The following PTPRN variants were observed in gnomAD, a reference collection of about 807,000 sequenced individuals.
The protein encoded by PTPRN is receptor-type tyrosine-protein phosphatase-like N.
PTPRN carries 70 observed loss-of-function variants against 108.5 expected under a neutral mutation model. That is an observed-to-expected ratio of 0.65 (90% CI 0.53 to 0.79). The LOEUF is 0.79. PTPRN is among the 30% of genes least tolerant of loss of function. PTPRN has a pLI of 0.00. For missense variants in PTPRN, 1,136 were observed against 1,295.5 expected, an observed-to-expected ratio of 0.88 and a Z score of 1.89; for synonymous variants, 496 against 524.6, an observed-to-expected ratio of 0.95 and a Z score of 0.75.
Position 219,302,492 on chromosome 2 carries a change from C to G in PTPRN, c.640-1G>C. ...CCCTGGAGCCATCACGGGAGCCAAA[C>G]TGTGGAAAACCAGAGATCTGGGTAA... On this transcript the variant is annotated splice_acceptor_variant, in intron 5 of 22. Coordinates refer to ENST00000295718, the MANE Select transcript of PTPRN (RefSeq NM_002846.4). LOFTEE classifies it high-confidence loss of function. The G allele has an allele frequency of 6.2e-7, 1 of 1,613,840 alleles. No individual in the cohort carries two copies. The highest frequency in any genetic ancestry group is 1.3e-5 in the African/African-American group (1 of 75,042).
intron 20 of PTPRN, 49 bp downstream of exon 20, chr2:219,291,421 G>C (rs1952051377): frequency 6.4e-7 from 1 of 1,572,068 alleles, no homozygotes; most frequent in African/African-American, 1.3e-5. Flanking sequence ...GTGCACAGGA[G>C]ACGCACACAG....
At position 219,298,912 on chromosome 2, in the gene PTPRN, G is replaced by A. The variant is rs1337337586; in HGVS notation, c.1668+135C>T. On this transcript the variant is annotated intron_variant, in intron 12 of 22. Coordinates refer to ENST00000295718, the MANE Select transcript of PTPRN (RefSeq NM_002846.4). ...AGAGAACTGCGGGGAGGGGCTGCTT[G>A]GGCGAAGGCCGCCTCCAGCCAGCCG... 5 of 1,004,214 alleles carry A rather than the reference G, an allele frequency of 5.0e-6. No homozygotes were observed. The African/African-American group carries it at 7.9e-5, about 16-fold the overall frequency. The allele number at this position is 1,004,214 out of a possible 1,614,324, so 62.2% of individuals were successfully genotyped here. A position where few individuals can be genotyped will look rare whatever the true frequency, so the allele number is the denominator to read the frequency against.
Position 219,307,535 on chromosome 2 carries a change from C to T in PTPRN, c.189G>A (p.Gln63=). The T allele has an allele frequency of 6.2e-7, 1 of 1,614,136 alleles. No individual in the cohort carries two copies. Among genetic ancestry groups the T allele is most frequent in the Middle Eastern group, 1.7e-4 (1 of 6,060 alleles). ...CIQDGLFGQC[Q]VGVGQARPLL... is the part of the protein sequence containing the mutation. The stretch of plus-strand genomic sequence containing the variant: ...GGGGCCGGGCCTGCCCCACTCCCAC[C>T]TGGCACTGCCCAAACAAGCCATCTA... Residue 63 remains glutamine (Q), a synonymous_variant, in exon 3 of 23, where the codon CAG becomes CAA. Transcript: ENST00000295718.
intron 18 of PTPRN, chr2:219,295,992 A>G (rs1952183630): frequency 1.8e-6 from 1 of 567,186 alleles, no homozygotes; most frequent in East Asian, 3.2e-5. Context: ...ACACACACAC[A>G]CACACACACA....
rs1952186361 is a variant in PTPRN at position 219,296,046 on chromosome 2, A to C, written c.2508+180T>G. 2 of 805,162 alleles carry C rather than the reference A, an allele frequency of 2.5e-6. No homozygotes were observed. Among genetic ancestry groups the C allele is most frequent in the East Asian group, 2.6e-5 (1 of 38,100 alleles). 49.9% of individuals were successfully genotyped at this position (805,162 alleles called of 1,614,324 possible). On this transcript the variant is annotated intron_variant, in intron 18 of 22. Transcript: ENST00000295718. The surrounding 1 kb of genome is among the most constrained non-coding windows in gnomAD (Gnocchi z 6.0). ...AGGACACACACATGTATATATGTGA[A>C]TATATGGGTATGCATATATGTGTTT...
Position 219,302,626 on chromosome 2 carries a change from G to T in PTPRN, c.589C>A (p.Pro197Thr). The T allele has an allele frequency of 5.0e-6, 8 of 1,614,026 alleles. No individual in the cohort carries two copies. Among genetic ancestry groups the T allele is most frequent in the East Asian group, 2.2e-5 (1 of 44,870 alleles). The stretch of plus-strand genomic sequence containing the variant: ...AAGGCAGGTTCGTAACTCAGTGAAG[G>T]GTGGGGAGGCTGTGGGGGCAGCAGC... ...HLLLPPQPPH[P>T]SLSYEPALLQ... Residue 197 changes from proline (P) to threonine (T), a missense_variant, in exon 5 of 23, where the codon CCT becomes ACT. Coordinates refer to ENST00000295718, the MANE Select transcript of PTPRN (RefSeq NM_002846.4).
rs2125092498 is a variant in PTPRN, at chr2:219,297,632, T to C, written c.1888-199A>G. Among the ~76,000 whole-genome samples, 1 of 152,202 alleles carries C rather than the reference T, an allele frequency of 6.6e-6. No homozygotes were observed. The highest frequency in any genetic ancestry group is 1.5e-5 in the Non-Finnish European group (1 of 68,004). Reference sequence around the variant, plus strand: ...GTGGTGCTTATGTCAACCTCAGACATGACAGAGTGGAATCCCAGAGCCCCA... The same window carrying C: ...GTGGTGCTTATGTCAACCTCAGACACGACAGAGTGGAATCCCAGAGCCCCA... On this transcript the variant is annotated intron_variant, in intron 13 of 22. Coordinates refer to ENST00000295718, the MANE Select transcript of PTPRN (RefSeq NM_002846.4). This position sits in a 1 kb window ranked among gnomAD's most constrained non-coding sequence, Gnocchi z 6.0.
At chr2:219,300,461 T>C (rs1303101898) in intron 8 of PTPRN, 2 of 552,598 alleles carry the variant, frequency 3.6e-6, no homozygotes, top group Non-Finnish European at 6.2e-6. Flanking sequence ...GATTGAATGA[T>C]TGAAAATGGT....
intron 7 of PTPRN, among the ~76,000 whole-genome samples, 167 bp from the exon 8 acceptor site, chr2:219,301,144 A>G (rs985169162): frequency 2.6e-5 from 4 of 152,124 alleles, no homozygotes; most frequent in Non-Finnish European, 5.9e-5. Context: ...GCCTGGCCTC[A>G]TTCCTTTTTG....
rs1309365694 is a variant in PTPRN, at chr2:219,299,099, G to T, written c.1616C>A (p.Ser539Tyr). ...GAGCCCTGTCTGTGCTTCCAGTTCA[G>T]ACTTCACCAGCCCTGCAGGGAGGAC... Reference protein sequence around the residue: ...DVTQQAGLVKSELEAQTGLQI... With the variant: ...DVTQQAGLVKYELEAQTGLQI... The change falls in exon 12 of 23, where the codon TCT (serine) becomes TAT (tyrosine). Residue 539 changes from serine to tyrosine, a missense_variant. Transcript: ENST00000295718. The T allele has an allele frequency of 1.2e-6, 2 of 1,614,114 alleles. No homozygotes were observed. Among genetic ancestry groups the T allele is most frequent in the Non-Finnish European group, 1.7e-6 (2 of 1,180,046 alleles).
chr2:219,290,109 A>G lies in PTPRN; in HGVS notation c.*117T>C. ...GCTTTCCCTTCCTGACTCTTCTAGGAAGGGCTGAGCATGCCCAAGAGGTGG... is the reference window on the plus strand; with the variant it reads ...GCTTTCCCTTCCTGACTCTTCTAGGGAGGGCTGAGCATGCCCAAGAGGTGG... On this transcript the variant is annotated 3_prime_UTR_variant, in exon 23 of 23. Transcript: ENST00000295718. This position sits in a 1 kb window ranked among gnomAD's most constrained non-coding sequence, Gnocchi z 4.2. The G allele has an allele frequency of 1.0e-6, 1 of 981,618 alleles. No individual in the cohort carries two copies. Among genetic ancestry groups the G allele is most frequent in the East Asian group, 2.5e-5 (1 of 40,250 alleles). The allele number at this position is 981,618 out of a possible 1,614,324, so 60.8% of individuals were successfully genotyped here.
intron 3 of PTPRN, 25 bp from the exon 4 acceptor site, chr2:219,303,856 G>A (rs1299638688): frequency 2.5e-6 from 4 of 1,579,388 alleles, no homozygotes; most frequent in Non-Finnish European, 1.7e-6. Context: ...GACAGCGTAA[G>A]TTGGTTCAGG....
rs758705017 is a variant in PTPRN at position 219,302,497 on chromosome 2, G to C, written c.640-6C>G. 1.2e-6 allele frequency: 2 copies of C among 1,613,900 alleles called. No homozygotes were observed. The highest frequency in any genetic ancestry group is 8.5e-7 in the Non-Finnish European group (1 of 1,179,916). ...GAGCCATCACGGGAGCCAAACTGTG[G>C]AAAACCAGAGATCTGGGTAAGAGCA... On this transcript the variant is annotated splice_region_variant and splice_polypyrimidine_tract_variant and intron_variant, in intron 5 of 22. Coordinates refer to ENST00000295718, the MANE Select transcript of PTPRN (RefSeq NM_002846.4).
chr2:219,301,718 A>G lies in PTPRN; in HGVS notation c.996T>C (p.Asp332=). The G allele has an allele frequency of 6.2e-7, 1 of 1,606,800 alleles. No homozygotes were observed. Residue 332 remains aspartate, a splice_region_variant and synonymous_variant, in exon 7 of 23, where the codon GAT becomes GAC. Coordinates refer to ENST00000295718, the MANE Select transcript of PTPRN (RefSeq NM_002846.4). ...EKPASPAVQP[D]AALQRLAAVL... is the part of the protein sequence containing the mutation. ...CAGCGGCCAGCCTCTGCAGAGCCGCATCTGCTGGGAGCCAGACACAGAGCT... is the reference window on the plus strand; with the variant it reads ...CAGCGGCCAGCCTCTGCAGAGCCGCGTCTGCTGGGAGCCAGACACAGAGCT...
At position 219,307,839 on chromosome 2, in the gene PTPRN, C is replaced by G; in HGVS notation, c.119G>C (p.Cys40Ser). Reference sequence around the variant, plus strand: ...AGAGCAGAGCCTGCGGTCAAATAGACAGCCTGTAGAGGAAAAGGTGAGCAG... The same window carrying G: ...AGAGCAGAGCCTGCGGTCAAATAGAGAGCCTGTAGAGGAAAAGGTGAGCAG... ...GGCSAVSAHG[C>S]LFDRRLCSHL... Residue 40 changes from cysteine to serine, a missense_variant, in exon 2 of 23, where the codon TGT becomes TCT. Coordinates refer to ENST00000295718, the MANE Select transcript of PTPRN (RefSeq NM_002846.4). 6.2e-7 allele frequency: 1 copy of G among 1,614,146 alleles called. No individual in the cohort carries two copies. Among genetic ancestry groups the G allele is most frequent in the South Asian group, 1.1e-5 (1 of 91,076 alleles).
chr2:219,303,382 G>A (rs995325930), intron 4 of PTPRN, among the ~76,000 whole-genome samples: 2 of 152,168 alleles, frequency 1.3e-5, no homozygotes, highest in African/African-American at 4.8e-5. Flanking sequence ...AGATGATGGT[G>A]GCTCCTGTCA....
At position 219,297,865 on chromosome 2, in the gene PTPRN, C is replaced by A. The variant is rs1345075078; in HGVS notation, c.1887+20G>T. The A allele has an allele frequency of 6.3e-7, 1 of 1,587,262 alleles. No homozygotes were observed. Among genetic ancestry groups the A allele is most frequent in the Non-Finnish European group, 8.6e-7 (1 of 1,167,584 alleles). On this transcript the variant is annotated intron_variant, in intron 13 of 22. Coordinates refer to ENST00000295718, the MANE Select transcript of PTPRN (RefSeq NM_002846.4). The surrounding 1 kb of genome is among the most constrained non-coding windows in gnomAD (Gnocchi z 6.0). The stretch of plus-strand genomic sequence containing the variant: ...GCCCCTTGCATTTCCTTTGCTCAAT[C>A]AGCTTCTGGGGCTGCACACCTGGTA...
intron 3 of PTPRN, among the ~76,000 whole-genome samples, chr2:219,305,490 C>T (rs552663992): frequency 1.3e-5 from 2 of 152,168 alleles, no homozygotes; most frequent in African/African-American, 4.8e-5. Context: ...ACCTGCCTGC[C>T]CCAGCCTCCT....
chr2:219,291,809 A>G (rs11886864), intron 19 of PTPRN: 84,833 of 514,346 alleles, frequency 0.16, 7,967 homozygotes, highest in Middle Eastern at 0.27. Context: ...AAAATGGAGG[A>G]TAGTAAGAAA....
Sources: gnomAD v4.1 joint callset for allele counts (sites outside exome capture counted in the v4.1 genomes callset) on GRCh38, gnomAD v4.1.1 for gene constraint, Gnocchi (gnomAD v3.1) non-coding constraint, MANE v1.5 for transcripts, NCBI Gene and HGNC (gene_info 2026-07-23, HGNC 2026-07-21) for gene names.